The following SVOPL variants were observed in gnomAD, a reference collection of about 807,000 sequenced individuals.
The protein encoded by SVOPL is SVOP like, also known as putative transporter SVOPL.
SVOPL carries 60 observed loss-of-function variants against 61.0 expected under a neutral mutation model. That is an observed-to-expected ratio of 0.98 (90% confidence interval 0.80 to 1.22). The LOEUF is 1.22. SVOPL is among the 50% of genes most tolerant of loss of function. The probability of loss-of-function intolerance (pLI) is 0.00; values close to 1 mark genes in which losing one functional copy is unlikely to be tolerated. For synonymous variants in SVOPL, 279 were observed against 250.0 expected (o/e 1.12, Z -1.09); for missense variants, 662 against 643.9 (o/e 1.03, Z -0.30).
intron 13 of SVOPL, among the ~76,000 whole-genome samples, chr7:138,622,270 G>GTATC (rs1224085695): frequency 0.013 from 1,060 of 83,618 alleles, 79 homozygotes; most frequent in Middle Eastern, 0.037. Flanking sequence ...ATCTATCTAT[G>GTATC]TATCTATCTA....
intron 1 of SVOPL, among the ~76,000 whole-genome samples, chr7:138,682,968 C>CAAAAAAAAA (rs762982090): frequency 1.3e-4 from 12 of 95,424 alleles, no homozygotes; most frequent in African/African-American, 3.7e-4. Context: ...AACTCCATCT[C>CAAAAAAAAA]AAAAAAAAAA....
intron 1 of SVOPL, 63 bp from the exon 2 acceptor site, chr7:138,679,142 G>T (rs1484782015): frequency 2.6e-6 from 3 of 1,148,280 alleles, no homozygotes; most frequent in Non-Finnish European, 3.7e-6. Context: ...GTTAGTATAT[G>T]CCAGGCACAC....
At chr7:138,640,208 GA>G (rs1253473077) in intron 9 of SVOPL, among the ~76,000 whole-genome samples, 1 of 94,786 alleles carries the variant, frequency 1.1e-5, no homozygotes, top group Non-Finnish European at 2.0e-5. Flanking sequence ...CAAAGACAAT[GA>G]TTTTTTTTTA....
chr7:138,692,758 G>C (rs951723628), intron 1 of SVOPL, among the ~76,000 whole-genome samples: 1 of 152,140 alleles, frequency 6.6e-6, no homozygotes, highest in Non-Finnish European at 1.5e-5. Flanking sequence ...CATAAAAAAA[G>C]GGGCTGTTTA....
rs150440671 is a variant in SVOPL, at chr7:138,649,074, C to T, written c.598G>A (p.Gly200Arg). The part of the protein sequence containing the change: ...GLASVIIPTI[G>R]WRWLIRVASI... ...GCGACGCGAATGAGCCAGCGCCACC[C>T]GATGGTGGGGATGATCACAGAGGCC... Residue 200 changes from glycine to arginine, a missense_variant, in exon 8 of 16, where the codon GGG becomes AGG. Physicochemically the swap from Gly to Arg is moderately radical, Grantham distance 125 (BLOSUM62 -2). Transcript: ENST00000674285. 6.6e-4 allele frequency: 1,067 copies of T among 1,613,630 alleles called. 4 individuals carry two copies. In the Middle Eastern group the frequency reaches 0.01, roughly 15 times the overall value.
intron 14 of SVOPL, among the ~76,000 whole-genome samples, chr7:138,599,307 CAG>C (rs1388966521): frequency 6.6e-6 from 1 of 151,970 alleles, no homozygotes; most frequent in African/African-American, 2.4e-5. Context: ...TATAGGGAGT[CAG>C]AGAGGTTATT....
chr7:138,604,179 G>A (rs1798651410), intron 14 of SVOPL, among the ~76,000 whole-genome samples: 1 of 151,800 alleles, frequency 6.6e-6, no homozygotes, highest in Middle Eastern at 3.2e-3. Context: ...GCTCAGGCTG[G>A]TCTCAGACTC....
chr7:138,596,286 A>T, intron 15 of SVOPL, 131 bp downstream of exon 15: 2 of 768,302 alleles, frequency 2.6e-6, no homozygotes, highest in Non-Finnish European at 4.1e-6. Context: ...TATTCAAACT[A>T]CAACTTTACA....
At chr7:138,664,966 T>C (rs1584855827) in intron 4 of SVOPL, among the ~76,000 whole-genome samples, 1 of 11,252 alleles carries the variant, frequency 8.9e-5, no homozygotes. Context: ...CCCCGACACT[T>C]CCCCCATCCC....
rs559485651 is a variant in SVOPL, at chr7:138,661,722, C to T, written c.345+1352G>A. ...TTATTAGTAAATAACTTAGGAAGTGCCCCCAAATTCTTTTCTCTCCTCCTT... is the reference window on the plus strand; with the variant it reads ...TTATTAGTAAATAACTTAGGAAGTGTCCCCAAATTCTTTTCTCTCCTCCTT... On this transcript the variant is annotated intron_variant, in intron 5 of 15. Transcript: ENST00000674285. 154 of 845,886 alleles carry T rather than the reference C, an allele frequency of 1.8e-4. No homozygotes were observed. In the African/African-American group the frequency reaches 2.8e-3, roughly 15 times the overall value. 52.4% of individuals were successfully genotyped at this position (845,886 alleles called of 1,614,324 possible).
At chr7:138,634,098 C>T (rs1439907479) in intron 9 of SVOPL, among the ~76,000 whole-genome samples, 2 of 152,228 alleles carry the variant, frequency 1.3e-5, no homozygotes, top group Non-Finnish European at 2.9e-5. Context: ...AGCAGCTTTT[C>T]TCTGTACCTC....
chr7:138,647,420 A>T (rs1309399852), intron 8 of SVOPL, among the ~76,000 whole-genome samples: 5 of 151,948 alleles, frequency 3.3e-5, no homozygotes, highest in Admixed American at 3.3e-4. Flanking sequence ...TGGCGAGAAG[A>T]TAGCTCTATG....
chr7:138,626,304 A>T (rs1799891193), intron 12 of SVOPL, among the ~76,000 whole-genome samples: 1 of 152,190 alleles, frequency 6.6e-6, no homozygotes, highest in South Asian at 2.1e-4. Flanking sequence ...ACTGCTGGGC[A>T]CAGTGGCTCA....
rs931025818 is a variant in SVOPL, at chr7:138,627,215, C to G, written c.1181+135G>C. On this transcript the variant is annotated intron_variant, in intron 12 of 15. Coordinates refer to ENST00000674285, the MANE Select transcript of SVOPL (RefSeq NM_001139456.2). ...ATAGTAGGGAACAGGCAAGACCATT[C>G]TAGTCAAGCAAGCAGCCCATTCTCT... 7.9e-5 allele frequency: 49 copies of G among 622,834 alleles called. No homozygotes were observed. The African/African-American group carries it at 8.4e-4, about 11-fold the overall frequency. 38.6% of individuals were successfully genotyped at this position (622,834 alleles called of 1,614,324 possible).
At chr7:138,632,514 G>A (rs184660745) in intron 9 of SVOPL, among the ~76,000 whole-genome samples, 1 of 152,228 alleles carries the variant, frequency 6.6e-6, no homozygotes, top group African/African-American at 2.4e-5. Context: ...GAAGGCTTGA[G>A]AAGGAAAGTG....
At position 138,656,528 on chromosome 7, in the gene SVOPL, A is replaced by G; in HGVS notation, c.471-17T>C. 3 of 1,612,706 alleles carry G rather than the reference A, an allele frequency of 1.9e-6. No homozygotes were observed. The highest frequency in any genetic ancestry group is 1.7e-6 in the Non-Finnish European group (2 of 1,179,644). ...ATGATTAACCTAAACAGGAAGCAGG[A>G]AAAAGCATAATTTTGTTTTAAAAAA... On this transcript the variant is annotated splice_polypyrimidine_tract_variant and intron_variant, in intron 6 of 15. Coordinates refer to ENST00000674285, the MANE Select transcript of SVOPL (RefSeq NM_001139456.2).
At position 138,643,192 on chromosome 7, in the gene SVOPL, C is replaced by T. The variant is rs1045582136; in HGVS notation, c.789+1525G>A. 3.3e-5 allele frequency among the ~76,000 whole-genome samples: 5 copies of T among 151,532 alleles called. No individual in the cohort carries two copies. In the East Asian group the frequency reaches 7.8e-4, roughly 24 times the overall value. On this transcript the variant is annotated intron_variant, in intron 9 of 15. Coordinates refer to ENST00000674285, the MANE Select transcript of SVOPL (RefSeq NM_001139456.2). ...CTGTAATCCCAGCACTTTGGGAGGC[C>T]GAGGAGGGCGGATCACGAGGTCAGG...
chr7:138,615,212 G>C (rs1030083035), intron 14 of SVOPL, among the ~76,000 whole-genome samples: 2 of 152,092 alleles, frequency 1.3e-5, no homozygotes, highest in African/African-American at 2.4e-5. Context: ...CTTTGGGGAT[G>C]ATCAGGTCAT....
chr7:138,637,028 C>T (rs1013246934), intron 9 of SVOPL, among the ~76,000 whole-genome samples: 1 of 152,138 alleles, frequency 6.6e-6, no homozygotes, highest in African/African-American at 2.4e-5. Flanking sequence ...TTGAAACATT[C>T]TCTTTATCAT....
Sources: allele counts gnomAD v4.1 joint callset (sites outside exome capture counted in the v4.1 genomes callset), GRCh38; gene constraint gnomAD v4.1.1; transcripts MANE v1.5; gene names NCBI Gene and HGNC (gene_info 2026-07-23, HGNC 2026-07-21).